ERAP1: variants seen among roughly 807,000 people sequenced by gnomAD.
ERAP1 encodes adipocyte-derived leucine aminopeptidase.
ERAP1 carries 86 observed loss-of-function variants against 103.7 expected under a neutral mutation model. The observed-to-expected ratio is 0.83, with a 90% CI of 0.70 to 0.99. The LOEUF (loss-of-function observed/expected upper bound fraction) is 0.99. Ranked by LOEUF, ERAP1 falls within the 50% of genes least tolerant of loss-of-function variation. ERAP1 has a pLI of 0.00. For missense variants in ERAP1, 1,009 were observed against 1,128.4 expected, an observed-to-expected ratio of 0.89 and a Z score of 1.52; for synonymous variants, 398 against 402.4, an observed-to-expected ratio of 0.99 and a Z score of 0.13.
chr5:96,891,371 G>A, the ERAP1 span, among the ~76,000 whole-genome samples: 6,955 of 89,166 alleles, frequency 0.078, 562 homozygotes, highest in African/African-American at 0.23. Flanking sequence ...ATATATATGT[G>A]TATATATATA....
At chr5:96,912,985 T>TTCATAACTA in the ERAP1 span, among the ~76,000 whole-genome samples, 1 of 152,334 alleles carries the variant, frequency 6.6e-6, no homozygotes, top group East Asian at 1.9e-4. Context: ...ATTCCCTAGT[T>TTCATAACTA]ATTAATCATA....
chr5:96,769,639 T>A (rs1478663403), downstream of ERAP1: 2 of 151,988 alleles, frequency 1.3e-5, no homozygotes, highest in Non-Finnish European at 2.9e-5. Flanking sequence ...CTAATACAAT[T>A]TTATTAACCT....
chr5:96,815,411 T>TCTG, the ERAP1 span, among the ~76,000 whole-genome samples: 1 of 102,952 alleles, frequency 9.7e-6, no homozygotes, highest in African/African-American at 3.5e-5. Context: ...TGTTTTGTTT[T>TCTG]TTATTTTTTT....
the ERAP1 span, among the ~76,000 whole-genome samples, chr5:96,844,686 T>C: frequency 3.9e-5 from 6 of 152,198 alleles, no homozygotes; most frequent in African/African-American, 7.2e-5. Flanking sequence ...CTCCAGGGCA[T>C]TGTGGTTTGT....
At chr5:96,894,708 CA>C in the ERAP1 span, among the ~76,000 whole-genome samples, 3 of 151,926 alleles carry the variant, frequency 2.0e-5, no homozygotes, top group Non-Finnish European at 4.4e-5. Context: ...TGAAGTAAGT[CA>C]GGGGCAGAGG....
the ERAP1 span, among the ~76,000 whole-genome samples, chr5:96,920,879 A>G: frequency 1.3e-5 from 2 of 152,224 alleles, no homozygotes; most frequent in African/African-American, 4.8e-5. Context: ...GCATATGTGT[A>G]TTTCATATAA....
chr5:96,868,695 G>A, the ERAP1 span, among the ~76,000 whole-genome samples: 2 of 150,838 alleles, frequency 1.3e-5, no homozygotes, highest in Non-Finnish European at 3.0e-5. Context: ...ATTTCTAGAC[G>A]TCACCCCGAG....
chr5:96,831,325 G>C, the ERAP1 span, among the ~76,000 whole-genome samples: 1 of 152,234 alleles, frequency 6.6e-6, no homozygotes, highest in African/African-American at 2.4e-5. Flanking sequence ...CTGCCCCCAT[G>C]ATCCAATCAC....
At chr5:96,808,262 T>TGTGTGTGTG (rs1189381131), upstream of ERAP1, 8 of 700,868 alleles carry the variant, frequency 1.1e-5, no homozygotes, top group East Asian at 2.2e-4. Flanking sequence ...GTGTGTGTGT[T>TGTGTGTGTG]GAGATGCTTT....
the ERAP1 span, among the ~76,000 whole-genome samples, chr5:96,897,600 G>T: frequency 6.6e-6 from 1 of 152,020 alleles, no homozygotes. Flanking sequence ...TGATTAATAA[G>T]CAGTTAATGA....
chr5:96,768,054 A>G, intron 19 of ERAP1: 1 of 1,113,196 alleles, frequency 9.0e-7, no homozygotes, highest in Non-Finnish European at 1.4e-6. Context: ...GTATGTGTAC[A>G]TACATATAAG....
chr5:96,882,863 C>T, the ERAP1 span, among the ~76,000 whole-genome samples: 3 of 152,126 alleles, frequency 2.0e-5, no homozygotes, highest in African/African-American at 7.2e-5. Flanking sequence ...CTCCTGACCT[C>T]TCTCTCCCTC....
chr5:96,773,960 C>A (rs1252185927), downstream of ERAP1: 2 of 152,232 alleles, frequency 1.3e-5, no homozygotes, highest in African/African-American at 2.4e-5. Flanking sequence ...TGTTAACCTC[C>A]CCCCCAAATA....
intron 3 of ERAP1, among the ~76,000 whole-genome samples, chr5:96,799,904 GA>G (rs1777786649): frequency 6.6e-6 from 1 of 152,178 alleles, no homozygotes. Context: ...CTTGTTTGAG[GA>G]AGGCATCCTT....
upstream of ERAP1, among the ~76,000 whole-genome samples, chr5:96,809,759 C>T (rs559558967): frequency 2.6e-5 from 4 of 152,226 alleles, no homozygotes; most frequent in African/African-American, 4.8e-5. Flanking sequence ...CCAGACATCT[C>T]GGAGTGCTCC....
chr5:96,826,917 T>A, the ERAP1 span, among the ~76,000 whole-genome samples: 1 of 152,168 alleles, frequency 6.6e-6, no homozygotes, highest in East Asian at 1.9e-4. Flanking sequence ...GTTATAGAAA[T>A]GTGTATTAGA....
chr5:96,769,495 T>G (rs1452089773), downstream of ERAP1: 1 of 152,030 alleles, frequency 6.6e-6, no homozygotes, highest in Non-Finnish European at 1.5e-5. Flanking sequence ...ATTTGAGGTT[T>G]ACAACATGGT....
the ERAP1 span, among the ~76,000 whole-genome samples, chr5:96,813,216 G>A: frequency 1.3e-5 from 2 of 152,156 alleles, no homozygotes; most frequent in African/African-American, 2.4e-5. Context: ...AGTGTTTAGA[G>A]GCCCTTTGAG....
At chr5:96,795,206 C>A (rs760934613) in intron 4 of ERAP1, 44 bp from the exon 5 acceptor site, 3 of 1,608,480 alleles carry the variant, frequency 1.9e-6, no homozygotes, top group Non-Finnish European at 2.5e-6. Context: ...TCTTAACTGG[C>A]TTCTCTCCCC....
Sources: allele counts gnomAD v4.1 joint callset (sites outside exome capture counted in the v4.1 genomes callset), GRCh38; gene constraint gnomAD v4.1.1; transcripts MANE v1.5; gene names NCBI Gene and HGNC (gene_info 2026-07-23, HGNC 2026-07-21).